The following LRMDA variants were observed in gnomAD, a reference collection of about 807,000 sequenced individuals.
LRMDA encodes leucine rich melanocyte differentiation associated, also known as leucine-rich melanocyte differentiation-associated protein.
In LRMDA, 18 loss-of-function variants were observed where a neutral mutation model predicts 29.8. The ratio of observed to expected loss-of-function variants is 0.60; its 90% CI spans 0.42 to 0.90. LRMDA has a LOEUF of 0.90. Ranked by LOEUF, LRMDA falls within the 40% of genes least tolerant of loss-of-function variation. LRMDA has a pLI of 0.00. For synonymous variants in LRMDA, 125 were observed against 109.4 expected (o/e 1.14, Z -0.89); for missense variants, 273 against 273.9 (o/e 1.00, Z 0.02).
chr10:75,899,781 A>C (rs1845640648), intron 2 of LRMDA, among the ~76,000 whole-genome samples: 1 of 152,190 alleles, frequency 6.6e-6, no homozygotes, highest in Non-Finnish European at 1.5e-5. Flanking sequence ...AGGGATGAGG[A>C]CAGAGCCCAG....
chr10:75,792,851 G>A (rs1441872870), intron 2 of LRMDA, among the ~76,000 whole-genome samples: 1 of 152,200 alleles, frequency 6.6e-6, no homozygotes, highest in East Asian at 1.9e-4. Flanking sequence ...TTAAAAAACT[G>A]CCTGGCACCT....
intron 6 of LRMDA, among the ~76,000 whole-genome samples, chr10:76,542,792 T>G (rs1311230414): frequency 6.6e-6 from 1 of 152,202 alleles, no homozygotes; most frequent in Non-Finnish European, 1.5e-5. Flanking sequence ...CTTGACATAT[T>G]GATGGCCCCT....
chr10:75,663,377 T>C (rs994495805), intron 2 of LRMDA, among the ~76,000 whole-genome samples: 11 of 152,198 alleles, frequency 7.2e-5, no homozygotes, highest in African/African-American at 2.4e-4. Context: ...TGATTACCAA[T>C]GTCTAATTTA....
chr10:75,665,240 G>T (rs1370778163), intron 2 of LRMDA, among the ~76,000 whole-genome samples: 1 of 152,170 alleles, frequency 6.6e-6, no homozygotes, highest in Non-Finnish European at 1.5e-5. Flanking sequence ...AATTTGAAGT[G>T]ACTTTTCAGA....
intron 5 of LRMDA, among the ~76,000 whole-genome samples, chr10:76,312,714 T>A (rs1840644375): frequency 6.6e-6 from 1 of 151,832 alleles, no homozygotes; most frequent in Admixed American, 6.6e-5. Context: ...GATGGATGAA[T>A]TCGGATTATA....
At chr10:75,987,374 G>T (rs145444820) in intron 2 of LRMDA, among the ~76,000 whole-genome samples, 134 of 152,270 alleles carry the variant, frequency 8.8e-4, no homozygotes, top group African/African-American at 3.2e-3. Flanking sequence ...AGCACTGCAG[G>T]TTACTTATCA....
At chr10:76,222,786 A>G (rs2132260153) in intron 5 of LRMDA, among the ~76,000 whole-genome samples, 1 of 152,324 alleles carries the variant, frequency 6.6e-6, no homozygotes, top group Middle Eastern at 3.4e-3. Flanking sequence ...AAAGGACTAT[A>G]TATCATGCTG....
chr10:75,586,331 T>A (rs2132080486), intron 2 of LRMDA, among the ~76,000 whole-genome samples: 1 of 144,706 alleles, frequency 6.9e-6, no homozygotes, highest in South Asian at 2.3e-4. Flanking sequence ...TCTTCACATC[T>A]TCACCAACAC....
chr10:75,664,901 A>T (rs546748563), intron 2 of LRMDA, among the ~76,000 whole-genome samples: 1 of 152,168 alleles, frequency 6.6e-6, no homozygotes, highest in East Asian at 1.9e-4. Context: ...ACTAGAAGAG[A>T]AAGTAAGGAA....
intron 6 of LRMDA, among the ~76,000 whole-genome samples, chr10:76,388,773 T>C: frequency 6.6e-6 from 1 of 152,266 alleles, no homozygotes; most frequent in East Asian, 1.9e-4. Flanking sequence ...ACATTATTCA[T>C]ACTGCTTTCT....
chr10:75,962,151 T>A (rs2132429973), intron 2 of LRMDA, among the ~76,000 whole-genome samples: 1 of 152,328 alleles, frequency 6.6e-6, no homozygotes, highest in South Asian at 2.1e-4. Flanking sequence ...GGGTTAGGAC[T>A]TCAATACATG....
At chr10:76,245,187 C>G (rs2132289739) in intron 5 of LRMDA, among the ~76,000 whole-genome samples, 1 of 152,226 alleles carries the variant, frequency 6.6e-6, no homozygotes, top group African/African-American at 2.4e-5. Context: ...TGGATGTTCT[C>G]TTATATATAT....
intron 4 of LRMDA, among the ~76,000 whole-genome samples, chr10:76,052,231 C>T (rs1488132865): frequency 1.3e-5 from 2 of 152,220 alleles, no homozygotes; most frequent in Non-Finnish European, 1.5e-5. Flanking sequence ...GAAGCATAGA[C>T]TGCCGTAAAC....
At chr10:76,491,957 A>G (rs1281542332) in intron 6 of LRMDA, among the ~76,000 whole-genome samples, 2 of 151,996 alleles carry the variant, frequency 1.3e-5, no homozygotes, top group Non-Finnish European at 2.9e-5. Context: ...TCTTCTGCTT[A>G]TCAGCTCTGC....
At chr10:76,438,995 A>G (rs532400319) in intron 6 of LRMDA, among the ~76,000 whole-genome samples, 22 of 152,324 alleles carry the variant, frequency 1.4e-4, no homozygotes, top group Admixed American at 1.0e-3. Flanking sequence ...GCCTAAGTGA[A>G]CTATGATGAA....
intron 2 of LRMDA, among the ~76,000 whole-genome samples, chr10:75,931,552 T>C (rs968378766): frequency 6.6e-6 from 1 of 152,152 alleles, no homozygotes; most frequent in Non-Finnish European, 1.5e-5. Context: ...GCCAAAATAC[T>C]TCTGGAAGTC....
At chr10:75,706,489 C>T (rs1335205771) in intron 2 of LRMDA, among the ~76,000 whole-genome samples, 2 of 152,066 alleles carry the variant, frequency 1.3e-5, no homozygotes, top group Non-Finnish European at 2.9e-5. Flanking sequence ...GCTTGTATTC[C>T]TATAGAGAAT....
chr10:75,844,710 C>A (rs1170356053), intron 2 of LRMDA, among the ~76,000 whole-genome samples: 2 of 152,202 alleles, frequency 1.3e-5, no homozygotes, highest in African/African-American at 4.8e-5. Flanking sequence ...TATCTTGCTG[C>A]AAATGAGAGT....
At chr10:76,172,890 C>T (rs1317815165) in intron 5 of LRMDA, among the ~76,000 whole-genome samples, 2 of 152,150 alleles carry the variant, frequency 1.3e-5, no homozygotes, top group African/African-American at 4.8e-5. Flanking sequence ...TTTATAATAT[C>T]TGGCATCAAA....
Sources: gnomAD v4.1 joint callset for allele counts (sites outside exome capture counted in the v4.1 genomes callset) on GRCh38, gnomAD v4.1.1 for gene constraint, MANE v1.5 for transcripts, NCBI Gene and HGNC (gene_info 2026-07-23, HGNC 2026-07-21) for gene names.